Variants in DSE observed in about 807,000 individuals in gnomAD.
The protein encoded by DSE is dermatan-sulfate epimerase.
DSE carries 36 observed loss-of-function variants against 84.4 expected under a neutral mutation model. That is an observed-to-expected ratio of 0.43 (90% CI 0.33 to 0.56). The LOEUF (loss-of-function observed/expected upper bound fraction) is 0.56. DSE is among the 20% of genes least tolerant of loss of function. The probability of loss-of-function intolerance (pLI) is 0.06; values close to 1 mark genes in which losing one functional copy is unlikely to be tolerated. For synonymous variants in DSE, 410 were observed against 430.1 expected (o/e 0.95, Z 0.58); for missense variants, 862 against 1,169.6 (o/e 0.74, Z 3.84).
At chr6:116,396,608 G>T (rs1349649425) in intron 1 of DSE, among the ~76,000 whole-genome samples, 1 of 152,180 alleles carries the variant, frequency 6.6e-6, no homozygotes, top group African/African-American at 2.4e-5. Context: ...ATAACAGTTG[G>T]CATGTTGAGA....
At chr6:116,275,238 A>G (rs914872987) in intron 2 of DSE, among the ~76,000 whole-genome samples, 4 of 152,212 alleles carry the variant, frequency 2.6e-5, no homozygotes, top group Non-Finnish European at 5.9e-5. Flanking sequence ...CTCCAGTATA[A>G]TCACCTTAAA....
chr6:116,436,895 C>A lies in DSE; in HGVS notation c.2427C>A (p.Asn809Lys), dbSNP rs375296636. ...AGCAGCAAAGCAAGTCAAAGAAAAA[C>A]CGAAGGGCAGGCAAACGCTATAAAT... ...QQQQQSKSKK[N>K]RRAGKRYKFV... The change falls in exon 6 of 6, where the codon AAC becomes AAA. Residue 809 changes from asparagine (N) to lysine (K), a missense_variant. Physicochemically the swap from Asn to Lys is moderately conservative, Grantham distance 94. Around this residue, in one of 4 missense-constraint regions of DSE, gnomAD observed 315 missense variants for 348.1 expected, o/e 0.90. Coordinates refer to ENST00000644252, the MANE Select transcript of DSE (RefSeq NM_013352.4). 37 of 1,613,926 alleles carry A rather than the reference C, an allele frequency of 2.3e-5. No individual in the cohort carries two copies. The African/African-American group carries it at 3.9e-4, about 17-fold the overall frequency.
At chr6:116,406,695 C>CT (rs1781952492) in intron 2 of DSE, among the ~76,000 whole-genome samples, 2 of 152,150 alleles carry the variant, frequency 1.3e-5, no homozygotes, top group Admixed American at 1.3e-4. Flanking sequence ...TTAAGAATGG[C>CT]TTTTTTACTT....
chr6:116,395,385 A>G (rs1781182409), intron 1 of DSE, among the ~76,000 whole-genome samples: 1 of 152,028 alleles, frequency 6.6e-6, no homozygotes, highest in African/African-American at 2.4e-5. Context: ...AGATCGGGCC[A>G]CTGCACTCCA....
intron 2 of DSE, among the ~76,000 whole-genome samples, chr6:116,261,552 C>T (rs1335864006): frequency 2.0e-5 from 3 of 152,126 alleles, no homozygotes; most frequent in African/African-American, 4.8e-5. Flanking sequence ...GTCTGCAAAG[C>T]GGGATAGTTT....
At chr6:116,404,167 A>G (rs979356298) in intron 2 of DSE, among the ~76,000 whole-genome samples, 4 of 152,080 alleles carry the variant, frequency 2.6e-5, no homozygotes, top group African/African-American at 7.2e-5. Flanking sequence ...TTAACATTAC[A>G]CTCCTCAGCA....
Position 116,386,083 on chromosome 6 carries a change from G to A in DSE, c.-53-13115G>A, listed in dbSNP as rs550488826. On this transcript the variant is annotated intron_variant, in intron 1 of 5. Transcript: ENST00000644252. ...GTTTCATTTTTGGAATATTCCCAAA[G>A]CCTTTTAAAAAATGTGTCAGTCCAG... Among the ~76,000 whole-genome samples the A allele has an allele frequency of 1.6e-4, 24 of 152,238 alleles. No homozygotes were observed. In the South Asian group the frequency reaches 5.0e-3, roughly 32 times the overall value.
intron 1 of DSE, among the ~76,000 whole-genome samples, chr6:116,380,844 A>C (rs1780177691): frequency 6.6e-6 from 1 of 152,146 alleles, no homozygotes; most frequent in South Asian, 2.1e-4. Context: ...GCACATAGTT[A>C]GTACTAAGTG....
At chr6:116,281,886 A>G (rs1450603916) in intron 2 of DSE, among the ~76,000 whole-genome samples, 3 of 152,246 alleles carry the variant, frequency 2.0e-5, no homozygotes, top group East Asian at 3.8e-4. Context: ...GCTCTATTCT[A>G]TATAGTAACA....
intron 2 of DSE, among the ~76,000 whole-genome samples, chr6:116,285,125 G>C (rs1773803017): frequency 6.6e-6 from 1 of 152,100 alleles, no homozygotes; most frequent in African/African-American, 2.4e-5. Context: ...AACTACTTTA[G>C]AGTCCCACCA....
At chr6:116,308,115 T>A (rs926996041) in intron 2 of DSE, among the ~76,000 whole-genome samples, 1 of 152,242 alleles carries the variant, frequency 6.6e-6, no homozygotes. Flanking sequence ...AACCACATAT[T>A]ACTATAGCTC....
At chr6:116,362,215 G>A (rs1778940934) in intron 2 of DSE, among the ~76,000 whole-genome samples, 2 of 152,192 alleles carry the variant, frequency 1.3e-5, no homozygotes, top group Non-Finnish European at 2.9e-5. Flanking sequence ...AGAACTATTG[G>A]CTTAGGCCAG....
At chr6:116,277,935 GGAAAAC>G (rs1280782713) in intron 2 of DSE, 3 of 136,260 alleles carry the variant, frequency 2.2e-5, no homozygotes, top group African/African-American at 8.3e-5. Flanking sequence ...AAAAAAAAAA[GGAAAAC>G]AGGGAGAGAG....
intron 2 of DSE, among the ~76,000 whole-genome samples, chr6:116,420,873 CAAAT>C (rs1562299990): frequency 6.6e-6 from 1 of 152,142 alleles, no homozygotes; most frequent in Non-Finnish European, 1.5e-5. Flanking sequence ...GTTATTTAAT[CAAAT>C]AAACTGTCAC....
At chr6:116,285,935 A>T (rs897273279) in intron 2 of DSE, among the ~76,000 whole-genome samples, 1 of 152,144 alleles carries the variant, frequency 6.6e-6, no homozygotes, top group Admixed American at 6.5e-5. Flanking sequence ...CTTGTAGTAT[A>T]GTTTGAAGTC....
intron 1 of DSE, among the ~76,000 whole-genome samples, chr6:116,379,166 A>C (rs1454516544): frequency 6.6e-6 from 1 of 152,152 alleles, no homozygotes; most frequent in Non-Finnish European, 1.5e-5. Flanking sequence ...GTATCTTAAA[A>C]GCAAGATCAT....
chr6:116,395,437 A>G (rs1400211151), intron 1 of DSE, among the ~76,000 whole-genome samples: 1 of 152,152 alleles, frequency 6.6e-6, no homozygotes, highest in Admixed American at 6.5e-5. Flanking sequence ...AAATAAAGAA[A>G]GTGGGAGGGT....
At position 116,316,563 on chromosome 6, in the gene DSE, T is replaced by C. The variant is rs1374724908; in HGVS notation, c.-54+57596T>C. Among the ~76,000 whole-genome samples the C allele has an allele frequency of 2.0e-5, 3 of 151,982 alleles. No homozygotes were observed. In the East Asian group the frequency reaches 5.8e-4, roughly 29 times the overall value. ...TTTCAATTAATGAACCACATTATAC[T>C]AGATGAATAAGATTTAAATAATTTT... On this transcript the variant is annotated intron_variant, in intron 2 of 3. Transcript: ENST00000430252.
chr6:116,368,893 T>G (rs1031105891), upstream of DSE, among the ~76,000 whole-genome samples: 4 of 122,760 alleles, frequency 3.3e-5, no homozygotes, highest in South Asian at 7.6e-4. Context: ...GAGAGCAGAA[T>G]AGCAGATCTG....
Sources: gnomAD v4.1 joint callset for allele counts (sites outside exome capture counted in the v4.1 genomes callset) on GRCh38, gnomAD v4.1.1 for gene constraint, gnomAD v4.1.1 regional missense constraint, MANE v1.5 for transcripts, NCBI Gene and HGNC (gene_info 2026-07-23, HGNC 2026-07-21) for gene names.